SYNPR: variants seen among roughly 807,000 people sequenced by gnomAD.
SYNPR encodes the protein synaptoporin.
Under a neutral mutation model 32.9 loss-of-function variants are expected in SYNPR, and 23 were observed. That is an observed-to-expected ratio of 0.70 (90% confidence interval 0.50 to 0.99). The LOEUF (loss-of-function observed/expected upper bound fraction) is 0.99. SYNPR is among the 50% of genes least tolerant of loss of function. The pLI is 0.00. For synonymous variants in SYNPR, 146 were observed against 135.9 expected (o/e 1.07, Z -0.52); for missense variants, 318 against 349.3 (o/e 0.91, Z 0.71).
Position 63,522,234 on chromosome 3 carries a change from G to A in SYNPR, c.210-34309G>A, listed in dbSNP as rs1443717436. 2.0e-5 allele frequency among the ~76,000 whole-genome samples: 3 copies of A among 152,192 alleles called. No homozygotes were observed. The East Asian group carries it at 5.8e-4, about 29-fold the overall frequency. On this transcript the variant is annotated intron_variant, in intron 3 of 5. Coordinates refer to ENST00000478300, the MANE Select transcript of SYNPR (RefSeq NM_001130003.2). ...AAAAAAGGGCTAACGTGAAAATGTA[G>A]GACCATCCTCTATCGTTCCAGTTTT...
chr3:63,220,234 T>A, the SYNPR span, among the ~76,000 whole-genome samples: 3 of 152,134 alleles, frequency 2.0e-5, no homozygotes, highest in Non-Finnish European at 4.4e-5. Context: ...GGACTCAAAT[T>A]TATGGTCAGA....
intron 2 of SYNPR, among the ~76,000 whole-genome samples, chr3:63,359,672 C>T (rs960543474): frequency 6.6e-6 from 1 of 152,278 alleles, no homozygotes; most frequent in Admixed American, 6.5e-5. Flanking sequence ...GGCAGCAGCT[C>T]TGTAGTATTC....
chr3:63,242,333 A>G (rs2086255377), intron 1 of SYNPR, among the ~76,000 whole-genome samples: 2 of 152,170 alleles, frequency 1.3e-5, no homozygotes, highest in South Asian at 4.2e-4. Flanking sequence ...CACAGGTCCT[A>G]TTTATACAGG....
At chr3:63,453,147 T>C (rs1357111323) in intron 2 of SYNPR, among the ~76,000 whole-genome samples, 1 of 152,152 alleles carries the variant, frequency 6.6e-6, no homozygotes, top group Non-Finnish European at 1.5e-5. Flanking sequence ...CACTTATGTT[T>C]GAGAAGCTCA....
intron 2 of SYNPR, among the ~76,000 whole-genome samples, chr3:63,358,883 AC>A (rs1319621110): frequency 6.6e-5 from 10 of 152,182 alleles, no homozygotes; most frequent in African/African-American, 2.4e-4. Context: ...TAGGATAGTA[AC>A]CCAGGCAGTC....
intron 2 of SYNPR, among the ~76,000 whole-genome samples, chr3:63,320,089 A>G (rs1164015181): frequency 6.6e-6 from 1 of 151,922 alleles, no homozygotes; most frequent in Non-Finnish European, 1.5e-5. Flanking sequence ...AGGTGGGACT[A>G]TAGATGTGCA....
intron 2 of SYNPR, among the ~76,000 whole-genome samples, chr3:63,253,948 A>G (rs547196987): frequency 1.4e-4 from 21 of 152,372 alleles, no homozygotes; most frequent in African/African-American, 4.8e-4. Context: ...CTGGATTAAG[A>G]AAATGTGGCA....
intron 3 of SYNPR, among the ~76,000 whole-genome samples, chr3:63,512,641 G>T (rs1701719062): frequency 6.6e-6 from 1 of 152,110 alleles, no homozygotes; most frequent in South Asian, 2.1e-4. Flanking sequence ...GGTTGTGGCT[G>T]AATTCAAAGC....
At chr3:63,304,839 A>G (rs2086894071) in intron 2 of SYNPR, among the ~76,000 whole-genome samples, 1 of 152,058 alleles carries the variant, frequency 6.6e-6, no homozygotes, top group Non-Finnish European at 1.5e-5. Context: ...TAATTACATT[A>G]CACGACAATG....
At chr3:63,566,042 A>C (rs1702783831) in intron 4 of SYNPR, among the ~76,000 whole-genome samples, 1 of 152,126 alleles carries the variant, frequency 6.6e-6, no homozygotes, top group African/African-American at 2.4e-5. Flanking sequence ...TAGAGAGAAA[A>C]ATGCTGTCAA....
At chr3:63,202,368 C>G in the SYNPR span, among the ~76,000 whole-genome samples, 1 of 152,218 alleles carries the variant, frequency 6.6e-6, no homozygotes, top group East Asian at 1.9e-4. Context: ...TCTCCACACC[C>G]TGCTTGCAGA....
chr3:63,423,402 G>A (rs372359917), intron 2 of SYNPR, among the ~76,000 whole-genome samples: 9 of 152,286 alleles, frequency 5.9e-5, no homozygotes, highest in East Asian at 3.9e-4. Flanking sequence ...GCTGGCCAGC[G>A]AGGAGACAGG....
At chr3:63,351,194 C>T (rs1336571648) in intron 2 of SYNPR, among the ~76,000 whole-genome samples, 1 of 152,142 alleles carries the variant, frequency 6.6e-6, no homozygotes, top group Admixed American at 6.5e-5. Context: ...CCGATTTAAC[C>T]CTCAGAACAG....
At chr3:63,391,963 C>G (rs1047832496) in intron 2 of SYNPR, among the ~76,000 whole-genome samples, 4 of 152,178 alleles carry the variant, frequency 2.6e-5, no homozygotes, top group Non-Finnish European at 4.4e-5. Flanking sequence ...GATCCCATTG[C>G]CCCTTCCTAA....
At chr3:63,232,177 T>C (rs1020842739) in intron 1 of SYNPR, among the ~76,000 whole-genome samples, 1 of 149,194 alleles carries the variant, frequency 6.7e-6, no homozygotes, top group East Asian at 2.0e-4. Context: ...CTCAAGTGAG[T>C]ATTTCAGATT....
intron 2 of SYNPR, among the ~76,000 whole-genome samples, chr3:63,375,460 C>A (rs987197690): frequency 1.3e-5 from 2 of 152,090 alleles, no homozygotes; most frequent in African/African-American, 4.8e-5. Flanking sequence ...TCTCAGCAAA[C>A]TATCACAAGG....
intron 2 of SYNPR, among the ~76,000 whole-genome samples, chr3:63,446,280 G>GTT (rs201372951): frequency 9.7e-4 from 136 of 140,496 alleles, no homozygotes; most frequent in East Asian, 3.8e-3. Context: ...CTCCCACCAT[G>GTT]TTTTTTTTTT....
At chr3:63,209,800 A>G in the SYNPR span, among the ~76,000 whole-genome samples, 60,015 of 152,096 alleles carry the variant, frequency 0.39, 13,005 homozygotes, top group Admixed American at 0.51. Flanking sequence ...ATTGGCATTC[A>G]TCACAATTTT....
intron 2 of SYNPR, among the ~76,000 whole-genome samples, chr3:63,254,670 T>G (rs948448105): frequency 6.6e-6 from 1 of 152,216 alleles, no homozygotes; most frequent in Non-Finnish European, 1.5e-5. Context: ...ATATGCATTA[T>G]AGGACGTTTA....
Sources: gnomAD v4.1 joint callset for allele counts (sites outside exome capture counted in the v4.1 genomes callset) on GRCh38, gnomAD v4.1.1 for gene constraint, MANE v1.5 for transcripts, NCBI Gene and HGNC (gene_info 2026-07-23, HGNC 2026-07-21) for gene names.